RYR2: variants seen among roughly 807,000 people sequenced by gnomAD.
RYR2 encodes the protein ryanodine receptor 2, also known as cardiac muscle ryanodine receptor-calcium release channel.
In RYR2, 227 loss-of-function variants were observed where a neutral mutation model predicts 601.1. The observed-to-expected ratio is 0.38, with a 90% confidence interval of 0.34 to 0.42. RYR2 has a LOEUF of 0.42. RYR2 is among the 10% of genes least tolerant of loss of function. The pLI is 1.00. For missense variants in RYR2, 4,646 were observed against 6,156.5 expected (o/e 0.75, Z 8.21); for synonymous variants, 2,223 against 2,175.1 (o/e 1.02, Z -0.61).
intron 1 of RYR2, among the ~76,000 whole-genome samples, chr1:237,198,279 T>C (rs1184461731): frequency 6.6e-6 from 1 of 152,202 alleles, no homozygotes; most frequent in African/African-American, 2.4e-5. Flanking sequence ...GTTTATGTGT[T>C]GAGTCTACTA....
intron 22 of RYR2, among the ~76,000 whole-genome samples, 185 bp from the exon 23 acceptor site, chr1:237,506,525 G>C (rs1665276378): frequency 6.7e-6 from 1 of 149,444 alleles, no homozygotes; most frequent in African/African-American, 2.5e-5. Context: ...GCGACAGAGT[G>C]AGACTCCGTC....
chr1:237,709,928 A>G (rs1228359776), intron 70 of RYR2, among the ~76,000 whole-genome samples: 1 of 152,058 alleles, frequency 6.6e-6, no homozygotes, highest in African/African-American at 2.4e-5. Context: ...AATAACCCAC[A>G]CTCATTTTAC....
At chr1:237,543,731 T>C (rs916511914) in intron 25 of RYR2, among the ~76,000 whole-genome samples, 1 of 152,220 alleles carries the variant, frequency 6.6e-6, no homozygotes, top group Non-Finnish European at 1.5e-5. Flanking sequence ...AAAAGGTTGG[T>C]GCTTACTGTT....
chr1:237,093,973 C>A (rs1667242586), intron 1 of RYR2, among the ~76,000 whole-genome samples: 1 of 152,080 alleles, frequency 6.6e-6, no homozygotes, highest in African/African-American at 2.4e-5. Flanking sequence ...ACGATGGATG[C>A]CTGAACCCTA....
chr1:237,356,973 A>G (rs12066129), intron 4 of RYR2, among the ~76,000 whole-genome samples: 1 of 152,022 alleles, frequency 6.6e-6, no homozygotes, highest in Non-Finnish European at 1.5e-5. Flanking sequence ...AACTTTCTTG[A>G]TGCAATATTT....
intron 10 of RYR2, among the ~76,000 whole-genome samples, chr1:237,406,574 A>G (rs549958006): frequency 1.3e-3 from 197 of 152,090 alleles, no homozygotes; most frequent in African/African-American, 4.4e-3. Context: ...TTTATTTGAG[A>G]TAGCCTGGTG....
intron 25 of RYR2, among the ~76,000 whole-genome samples, chr1:237,545,902 A>C (rs775555632): frequency 3.3e-5 from 5 of 151,750 alleles, no homozygotes; most frequent in Non-Finnish European, 4.4e-5. Flanking sequence ...TCAAAAAAGA[A>C]CAAAAATAAA....
intron 2 of RYR2, among the ~76,000 whole-genome samples, chr1:237,272,137 A>G (rs56360482): frequency 0.053 from 7,998 of 152,192 alleles, 737 homozygotes; most frequent in African/African-American, 0.19. Context: ...CAAAAAGAAA[A>G]GAAAAAGAAA....
At chr1:237,699,133 T>C in intron 64 of RYR2, 108 bp downstream of exon 64, 1 of 598,832 alleles carries the variant, frequency 1.7e-6, no homozygotes, top group Middle Eastern at 4.6e-4. Flanking sequence ...TTTGGATTTG[T>C]AATAAAGTCT....
rs767451825 is a variant in RYR2, at chr1:237,674,774, C to T, written c.8758C>T (p.Arg2920Ter). 1 of 1,612,418 alleles carries T rather than the reference C, an allele frequency of 6.2e-7. No individual in the cohort carries two copies. Among genetic ancestry groups the T allele is most frequent in the Non-Finnish European group, 8.5e-7 (1 of 1,178,762 alleles). The change falls in exon 60 of 105, where the codon CGA becomes TGA. Residue 2920 changes from arginine (R) to a stop codon, truncating the protein, a stop_gained. Transcript: ENST00000366574. LOFTEE classifies it high-confidence loss of function. ...ACTGGACACGCCTTCTATTGAGAAA[C>T]GATTTGCCTATAGTTTCCTCCAACA... The part of the protein sequence containing the change: ...LELDTPSIEK[R>*]FAYSFLQQLI...
At chr1:237,573,784 C>A (rs1559049570) in intron 29 of RYR2, among the ~76,000 whole-genome samples, 1 of 151,646 alleles carries the variant, frequency 6.6e-6, no homozygotes, top group African/African-American at 2.4e-5. Context: ...CTCACTCCAG[C>A]CTGGTGACAG....
rs368290104 is a variant in RYR2 at position 237,532,595 on chromosome 1, CAAAACCA to C, written c.2906+2097_2906+2103del. The stretch of plus-strand genomic sequence containing the variant: ...AGGCATTATTAAGGCTAAAACAGAA[CAAAACCA>C]AAAACCAAAAAACAACAACCTAGTA... On this transcript the variant is annotated intron_variant, in intron 25 of 104. Transcript: ENST00000366574. 3.2e-3 allele frequency among the ~76,000 whole-genome samples: 485 copies of C among 152,008 alleles called. 1 individual carries two copies. Among genetic ancestry groups the C allele is most frequent in the African/African-American group, 0.011 (460 of 41,488 alleles).
At chr1:237,476,946 A>G (rs913735058) in intron 17 of RYR2, among the ~76,000 whole-genome samples, 1 of 152,204 alleles carries the variant, frequency 6.6e-6, no homozygotes, top group East Asian at 1.9e-4. Flanking sequence ...GTGCTCATTC[A>G]CTACTTTTTT....
At chr1:237,316,599 A>C (rs545865565) in intron 2 of RYR2, among the ~76,000 whole-genome samples, 45 of 152,308 alleles carry the variant, frequency 3.0e-4, no homozygotes, top group African/African-American at 9.9e-4. Context: ...AGCTGATGGC[A>C]GCACCATCTG....
intron 83 of RYR2, 141 bp from the exon 84 acceptor site, chr1:237,760,814 C>CAATGAATAGAGACATGT: frequency 1.6e-6 from 1 of 611,044 alleles, no homozygotes. Context: ...GGTTGGTACG[C>CAATGAATAGAGACATGT]AATGAATGGA....
chr1:237,378,993 A>G (rs1701244966), intron 8 of RYR2, among the ~76,000 whole-genome samples: 2 of 152,222 alleles, frequency 1.3e-5, no homozygotes. Context: ...TCACCATGCG[A>G]ATTTCTAGGA....
intron 2 of RYR2, among the ~76,000 whole-genome samples, chr1:237,322,103 G>A (rs951255898): frequency 6.6e-6 from 1 of 152,180 alleles, no homozygotes; most frequent in Non-Finnish European, 1.5e-5. Flanking sequence ...AACTGATACT[G>A]AGTAATTAAT....
At chr1:237,439,678 A>G (rs1707722685) in intron 12 of RYR2, among the ~76,000 whole-genome samples, 1 of 152,146 alleles carries the variant, frequency 6.6e-6, no homozygotes. Context: ...ATATTTCACA[A>G]TTAAATCTTC....
chr1:237,268,454 A>G (rs1933232), intron 1 of RYR2, among the ~76,000 whole-genome samples: 100,043 of 152,040 alleles, frequency 0.66, 33,316 homozygotes, highest in Non-Finnish European at 0.71. Context: ...ATATTCAGAT[A>G]TACCCATCCT....
Sources: allele counts gnomAD v4.1 joint callset (sites outside exome capture counted in the v4.1 genomes callset), GRCh38; gene constraint gnomAD v4.1.1; transcripts MANE v1.5; gene names NCBI Gene and HGNC (gene_info 2026-07-23, HGNC 2026-07-21).